MLKL: variants seen among roughly 807,000 people sequenced by gnomAD.
MLKL encodes mixed lineage kinase domain like pseudokinase, also known as mixed lineage kinase domain-like protein.
In MLKL, 55 loss-of-function variants were observed where a neutral mutation model predicts 56.5. The observed-to-expected ratio is 0.97, with a 90% confidence interval of 0.78 to 1.22. The LOEUF is 1.22. MLKL is among the 50% of genes most tolerant of loss of function. The pLI, the probability that MLKL is intolerant of heterozygous loss-of-function variation, is 0.00. For missense variants in MLKL, 694 were observed against 573.9 expected (o/e 1.21, Z -2.14); for synonymous variants, 251 against 208.3 (o/e 1.20, Z -1.76).
chr16:74,675,866 A>G, intron 7 of MLKL, 102 bp from the exon 8 acceptor site: 1 of 1,258,322 alleles, frequency 7.9e-7, no homozygotes, highest in African/African-American at 1.5e-5. Flanking sequence ...ATTGTCTTTT[A>G]CCTTAGGGAT....
At chr16:74,693,696 G>A (rs1033846236) in intron 2 of MLKL, among the ~76,000 whole-genome samples, 1 of 150,414 alleles carries the variant, frequency 6.6e-6, no homozygotes. Context: ...TCCGCCCCGC[G>A]GGGTTCACGC....
chr16:74,679,814 C>CA (rs965483008), intron 6 of MLKL, among the ~76,000 whole-genome samples: 65 of 148,452 alleles, frequency 4.4e-4, no homozygotes, highest in Admixed American at 7.4e-4. Context: ...GGCTCTGTCT[C>CA]AAAAAAAAAA....
At chr16:74,676,054 A>G in intron 7 of MLKL, 1 of 357,680 alleles carries the variant, frequency 2.8e-6, no homozygotes, top group South Asian at 4.8e-5. Context: ...AGACCTGCTA[A>G]GTTGTAGTTG....
chr16:74,692,284 A>G, intron 3 of MLKL, 58 bp downstream of exon 3: 1 of 1,482,424 alleles, frequency 6.7e-7, no homozygotes, highest in Non-Finnish European at 9.4e-7. Flanking sequence ...GGGTCCCAGT[A>G]AACTGATGAC....
chr16:74,675,305 G>A, intron 9 of MLKL, 50 bp downstream of exon 9: 1 of 1,613,190 alleles, frequency 6.2e-7, no homozygotes, highest in East Asian at 2.2e-5. Flanking sequence ...TGGTCTACTG[G>A]AAGGGGACCC....
intron 6 of MLKL, 118 bp downstream of exon 6, chr16:74,682,533 A>T: frequency 7.4e-7 from 1 of 1,357,412 alleles, no homozygotes; most frequent in Non-Finnish European, 1.0e-6. Flanking sequence ...ATAGTAAAAC[A>T]GTGTATGGGA....
In MLKL at chr16:74,685,084, G is replaced by C. The variant is rs764957254; in HGVS notation, c.820+402C>G. Among the ~76,000 whole-genome samples, 7 of 152,032 alleles carry C rather than the reference G, an allele frequency of 4.6e-5. No individual in the cohort carries two copies. In the South Asian group the frequency reaches 1.0e-3, roughly 23 times the overall value. On this transcript the variant is annotated intron_variant, in intron 5 of 10. Transcript: ENST00000308807. The stretch of plus-strand genomic sequence containing the variant: ...TCACCATGTTGGCTGGGCTGGTCTT[G>C]AACTCCTGACCTCAAGTGACCTGCC...
intron 1 of MLKL, among the ~76,000 whole-genome samples, chr16:74,697,058 A>G (rs748828979): frequency 2.0e-5 from 3 of 148,592 alleles, no homozygotes; most frequent in African/African-American, 4.9e-5. Context: ...TATATATTAT[A>G]TATATAAGTT....
In MLKL at chr16:74,691,434, G is replaced by A. The variant is rs1186283623; in HGVS notation, c.565C>T (p.Pro189Ser). The change falls in exon 4 of 11, where the codon CCG becomes TCG. Residue 189 changes from proline to serine, a missense_variant. Transcript: ENST00000308807. ...TTGATCTCCTTGATTTGCTCTTGCG[G>A]GATCTCCTGCATGCATTTTGGTGGT... ...YLPPKCMQEI[P>S]QEQIKEIKKE... The A allele has an allele frequency of 6.2e-7, 1 of 1,613,780 alleles. No individual in the cohort carries two copies. Among genetic ancestry groups the A allele is most frequent in the Non-Finnish European group, 8.5e-7 (1 of 1,179,946 alleles).
chr16:74,683,429 C>G (rs1960116993), intron 5 of MLKL, among the ~76,000 whole-genome samples: 1 of 151,408 alleles, frequency 6.6e-6, no homozygotes, highest in Non-Finnish European at 1.5e-5. Flanking sequence ...AACCTCGTCT[C>G]TATGAAAAAT....
In MLKL at chr16:74,682,871, C is replaced by T. The variant is rs1597490935; in HGVS notation, c.821-85G>A. The T allele has an allele frequency of 2.0e-5, 30 of 1,495,974 alleles. No individual in the cohort carries two copies. In the East Asian group the frequency reaches 6.7e-4, roughly 33 times the overall value. The allele number at this position is 1,495,974 out of a possible 1,614,324, so 92.7% of individuals were successfully genotyped here. ...CAGCCCACCTCTCCCAGCCTCGGTA[C>T]AGATACAGACTTGGCTCTGCTGAGT... On this transcript the variant is annotated intron_variant, in intron 5 of 10. Transcript: ENST00000308807.
Position 74,685,087 on chromosome 16 carries a change from C to T in MLKL, c.820+399G>A, listed in dbSNP as rs377220014. On this transcript the variant is annotated intron_variant, in intron 5 of 10. Transcript: ENST00000308807. ...CCATGTTGGCTGGGCTGGTCTTGAA[C>T]TCCTGACCTCAAGTGACCTGCCTGT... 3.9e-5 allele frequency among the ~76,000 whole-genome samples: 6 copies of T among 152,232 alleles called. 1 individual carries two copies. The East Asian group carries it at 7.7e-4, about 20-fold the overall frequency.
At chr16:74,683,496 T>C (rs868379667) in intron 5 of MLKL, among the ~76,000 whole-genome samples, 1 of 150,300 alleles carries the variant, frequency 6.7e-6, no homozygotes, top group African/African-American at 2.5e-5. Context: ...TTAGGGAGGC[T>C]GAGGCAGGAG....
intron 4 of MLKL, among the ~76,000 whole-genome samples, chr16:74,690,228 TTATAAC>T (rs1960581630): frequency 6.6e-6 from 1 of 152,232 alleles, no homozygotes; most frequent in Non-Finnish European, 1.5e-5. Flanking sequence ...ATTGATCACT[TTATAAC>T]TATAAAGATG....
chr16:74,676,415 G>C (rs910723741), intron 7 of MLKL: 87 of 985,340 alleles, frequency 8.8e-5, no homozygotes, highest in Non-Finnish European at 1.0e-4. Flanking sequence ...AACTCAGCCA[G>C]GTACCCAAAT....
intron 2 of MLKL, among the ~76,000 whole-genome samples, chr16:74,694,603 AAAAAT>A (rs1482276544): frequency 3.3e-5 from 5 of 152,114 alleles, no homozygotes; most frequent in African/African-American, 1.2e-4. Flanking sequence ...TCTAACTACA[AAAAAT>A]AAAATAAAAA....
At chr16:74,683,246 T>A (rs570967784) in intron 5 of MLKL, among the ~76,000 whole-genome samples, 34 of 150,196 alleles carry the variant, frequency 2.3e-4, no homozygotes, top group African/African-American at 8.3e-4. Flanking sequence ...GTGGCAGAGA[T>A]TGCACCACTG....
Position 74,675,668 on chromosome 16 carries a change from G to C in MLKL, c.1135C>G (p.Pro379Ala). ...DRVKSTAYLS[P>A]QELEDVFYQY... ...TAAAATACATCTTCCAGTTCCTGAG[G>C]TGAGAGATATGCTGTAGATTTGACT... Residue 379 changes from proline (P) to alanine (A), a missense_variant, in exon 8 of 11, where the codon CCT becomes GCT. Coordinates refer to ENST00000308807, the MANE Select transcript of MLKL (RefSeq NM_152649.4). 1 of 1,614,034 alleles carries C rather than the reference G, an allele frequency of 6.2e-7. No homozygotes were observed.
At chr16:74,688,834 T>C (rs1417998727) in intron 4 of MLKL, among the ~76,000 whole-genome samples, 1 of 152,162 alleles carries the variant, frequency 6.6e-6, no homozygotes, top group Non-Finnish European at 1.5e-5. Flanking sequence ...ATAAGTAGGA[T>C]ATCCATACAA....
Sources: gnomAD v4.1 joint callset for allele counts (sites outside exome capture counted in the v4.1 genomes callset) on GRCh38, gnomAD v4.1.1 for gene constraint, MANE v1.5 for transcripts, NCBI Gene and HGNC (gene_info 2026-07-23, HGNC 2026-07-21) for gene names.